The following CDH10 variants were observed in gnomAD, a reference collection of about 807,000 sequenced individuals.
The protein encoded by CDH10 is cadherin-10.
CDH10 carries 30 observed loss-of-function variants against 73.1 expected under a neutral mutation model. The observed-to-expected ratio is 0.41, with a 90% CI of 0.31 to 0.56. CDH10 has a LOEUF of 0.56. Among genes scored for constraint, CDH10 ranks in the 20% least tolerant of loss-of-function variants. CDH10 has a pLI of 0.27. For missense variants in CDH10, 815 were observed against 973.7 expected (o/e 0.84, Z 2.17); for synonymous variants, 345 against 348.2 (o/e 0.99, Z 0.10).
At chr5:24,531,523 G>T (rs189831043) in intron 5 of CDH10, among the ~76,000 whole-genome samples, 4 of 152,206 alleles carry the variant, frequency 2.6e-5, no homozygotes, top group Admixed American at 2.0e-4. Context: ...GGCTGGGGAG[G>T]CCTCACAAAC....
intron 1 of CDH10, among the ~76,000 whole-genome samples, chr5:24,636,751 G>A (rs1246630742): frequency 6.6e-6 from 1 of 151,928 alleles, no homozygotes; most frequent in Non-Finnish European, 1.5e-5. Context: ...TAATTCTCCT[G>A]TAGGTTTCTT....
Position 24,549,551 on chromosome 5 carries a change from C to CTTTT in CDH10, c.232-11881_232-11878dup, listed in dbSNP as rs56094828. 5.9e-3 allele frequency among the ~76,000 whole-genome samples: 785 copies of CTTTT among 133,440 alleles called. 35 individuals carry two copies. The highest frequency in any genetic ancestry group is 0.058 in the East Asian group (258 of 4,432). 87.5% of individuals were successfully genotyped at this position (133,440 alleles called of 152,430 possible). On this transcript the variant is annotated intron_variant, in intron 2 of 11. Coordinates refer to ENST00000264463, the MANE Select transcript of CDH10 (RefSeq NM_006727.5). ...CAGAAGCCAATACACAATGGAATGA[C>CTTTT]TTTTTTTTTTTTTTTTTGAGACAAA...
chr5:24,615,494 C>A (rs1747098352), intron 1 of CDH10, among the ~76,000 whole-genome samples: 1 of 152,128 alleles, frequency 6.6e-6, no homozygotes, highest in Admixed American at 6.5e-5. Flanking sequence ...CCCTTGGGAG[C>A]CACACTGCAC....
intron 1 of CDH10, among the ~76,000 whole-genome samples, chr5:24,600,256 C>G (rs554384374): frequency 6.6e-6 from 1 of 152,226 alleles, no homozygotes; most frequent in South Asian, 2.1e-4. Flanking sequence ...AGCTATAATA[C>G]AGTGAACACC....
intron 6 of CDH10, 79 bp downstream of exon 6, chr5:24,511,248 T>C: frequency 1.2e-6 from 1 of 830,424 alleles, no homozygotes; most frequent in Non-Finnish European, 2.0e-6. Flanking sequence ...TCCCAATGGA[T>C]CATTCATGAG....
Position 24,535,796 on chromosome 5 carries a change from T to C in CDH10, c.553A>G (p.Thr185Ala). The change falls in exon 4 of 12, where the codon ACA (threonine) becomes GCA (alanine). Residue 185 changes from threonine to alanine, a missense_variant. Around this residue, in one of 3 missense-constraint regions of CDH10, gnomAD observed 516 missense variants for 636.6 expected, o/e 0.81. Transcript: ENST00000264463. ...CCATATGAAGGGTCATCGGCATCTG[T>C]AGCTGTGACTTGCACCACAGAAGTA... ...VGTSVVQVTA[T>A]DADDPSYGNS... 1.2e-6 allele frequency: 2 copies of C among 1,610,138 alleles called. No homozygotes were observed.
At chr5:24,604,443 G>A (rs750291846) in intron 1 of CDH10, among the ~76,000 whole-genome samples, 4 of 152,108 alleles carry the variant, frequency 2.6e-5, no homozygotes, top group Non-Finnish European at 4.4e-5. Flanking sequence ...TGAAACTTTT[G>A]TCTTTTGTAA....
chr5:24,558,790 C>A lies in CDH10; in HGVS notation c.232-21116G>T, dbSNP rs1744856254. Among the ~76,000 whole-genome samples, 3 of 151,798 alleles carry A rather than the reference C, an allele frequency of 2.0e-5. No homozygotes were observed. In the South Asian group the frequency reaches 6.2e-4, roughly 31 times the overall value. ...TCAAGCAACGTTTACAAAGCTTGTG[C>A]AATATGTTAGAATCAGGACGTTTAA... On this transcript the variant is annotated intron_variant, in intron 2 of 11. Transcript: ENST00000264463.
chr5:24,522,668 T>C (rs1743379577), intron 5 of CDH10, among the ~76,000 whole-genome samples: 1 of 152,140 alleles, frequency 6.6e-6, no homozygotes, highest in African/African-American at 2.4e-5. Context: ...TTTCAGCAGC[T>C]GCCCACACAA....
chr5:24,546,510 T>C (rs907785162), intron 2 of CDH10, among the ~76,000 whole-genome samples: 4 of 152,110 alleles, frequency 2.6e-5, no homozygotes, highest in African/African-American at 9.7e-5. Flanking sequence ...TAAAACTTCG[T>C]ACTCATCTAT....
Position 24,604,600 on chromosome 5 carries a change from C to T in CDH10, c.-123-10987G>A, listed in dbSNP as rs150207908. ...TAAGTTAGAAACTCTTGGCTGGGCA[C>T]GATGGCTCACACCTGTAATCCCAGC... On this transcript the variant is annotated intron_variant, in intron 1 of 11. Transcript: ENST00000264463. Among the ~76,000 whole-genome samples, 1,499 of 152,104 alleles carry T rather than the reference C, an allele frequency of 9.9e-3. 18 individuals are homozygous for T. The highest frequency in any genetic ancestry group is 0.035 in the African/African-American group (1,443 of 41,510).
chr5:24,517,749 G>T (rs1272494736), intron 5 of CDH10, among the ~76,000 whole-genome samples: 1 of 152,020 alleles, frequency 6.6e-6, no homozygotes, highest in Admixed American at 6.6e-5. Flanking sequence ...AAAGCTAAAA[G>T]TTTTTTTGGC....
rs997556314 is a variant in CDH10, at chr5:24,498,470, A to G, written c.1443T>C (p.Asp481=). Residue 481 remains aspartate, a synonymous_variant, in exon 9 of 12, where the codon GAT becomes GAC. Coordinates refer to ENST00000264463, the MANE Select transcript of CDH10 (RefSeq NM_006727.5). Reference sequence around the variant, plus strand: ...CAAACTGTGGGGCATTGTCATTAACATCCAAAATTCTCACAAAAACAGCCA... The same window carrying G: ...CAAACTGTGGGGCATTGTCATTAACGTCCAAAATTCTCACAAAAACAGCCA... The part of the protein sequence containing the change: ...TRVAVFVRIL[D]VNDNAPQFAV... The G allele has an allele frequency of 5.6e-6, 9 of 1,599,688 alleles. No homozygotes were observed. The highest frequency in any genetic ancestry group is 5.1e-6 in the Non-Finnish European group (6 of 1,167,074).
At chr5:24,529,743 A>AT (rs557831216) in intron 5 of CDH10, among the ~76,000 whole-genome samples, 20 of 151,882 alleles carry the variant, frequency 1.3e-4, no homozygotes, top group Non-Finnish European at 2.7e-4. Flanking sequence ...GTTTGTAAGG[A>AT]TTTTTTCTCC....
At chr5:24,619,349 A>G (rs1398053282) in intron 1 of CDH10, among the ~76,000 whole-genome samples, 2 of 151,808 alleles carry the variant, frequency 1.3e-5, no homozygotes, top group East Asian at 3.9e-4. Flanking sequence ...ACCCACCACC[A>G]CGCCCAGCTA....
At chr5:24,569,448 T>C (rs959806348) in intron 2 of CDH10, among the ~76,000 whole-genome samples, 1 of 148,888 alleles carries the variant, frequency 6.7e-6, no homozygotes, top group Admixed American at 6.8e-5. Flanking sequence ...CATATTGATT[T>C]AATAAACTTG....
chr5:24,621,391 C>T (rs1359748766), intron 1 of CDH10, among the ~76,000 whole-genome samples: 1 of 152,192 alleles, frequency 6.6e-6, no homozygotes, highest in Non-Finnish European at 1.5e-5. Flanking sequence ...AAAAAGCTCG[C>T]TTCCATTTTA....
chr5:24,567,121 A>T (rs527851720), intron 2 of CDH10, among the ~76,000 whole-genome samples: 2 of 151,904 alleles, frequency 1.3e-5, no homozygotes, highest in Middle Eastern at 6.8e-3. Flanking sequence ...TAGTCATCAG[A>T]AAAATGCAAA....
At chr5:24,644,347 C>G (rs1748147069) in intron 1 of CDH10, among the ~76,000 whole-genome samples, 1 of 152,172 alleles carries the variant, frequency 6.6e-6, no homozygotes, top group Admixed American at 6.5e-5. Context: ...TCATGACCCA[C>G]TGTTGAGCAT....
Sources: gnomAD v4.1 joint callset for allele counts (sites outside exome capture counted in the v4.1 genomes callset) on GRCh38, gnomAD v4.1.1 for gene constraint, gnomAD v4.1.1 regional missense constraint, MANE v1.5 for transcripts, NCBI Gene and HGNC (gene_info 2026-07-23, HGNC 2026-07-21) for gene names.